The following AS3MT variants were observed in gnomAD, a reference collection of about 807,000 sequenced individuals.
The protein encoded by AS3MT is arsenite methyltransferase, also known as S-adenosyl-L-methionine:arsenic(III) methyltransferase.
In AS3MT, 47 loss-of-function variants were observed where a neutral mutation model predicts 45.3. The observed-to-expected ratio is 1.04, with a 90% CI of 0.82 to 1.32. AS3MT has a LOEUF of 1.32. Ranked by LOEUF, AS3MT falls within the 40% of genes most tolerant of loss-of-function variation. The pLI is 0.00. For synonymous variants in AS3MT, 141 were observed against 152.8 expected, an observed-to-expected ratio of 0.92 and a Z score of 0.57; for missense variants, 396 against 451.1, an observed-to-expected ratio of 0.88 and a Z score of 1.11.
chr10:102,884,069 C>A (rs1302304156), intron 9 of AS3MT, among the ~76,000 whole-genome samples: 1 of 149,810 alleles, frequency 6.7e-6, no homozygotes, highest in Non-Finnish European at 1.5e-5. Context: ...ACCTCCACCT[C>A]TCAGGTTCAA....
At chr10:102,894,452 A>T (rs1325505432) in intron 10 of AS3MT, among the ~76,000 whole-genome samples, 1 of 151,556 alleles carries the variant, frequency 6.6e-6, no homozygotes, top group Non-Finnish European at 1.5e-5. Flanking sequence ...AAAAATAAAA[A>T]AATAAAATAA....
chr10:102,883,592 T>C (rs1026469660), intron 9 of AS3MT, among the ~76,000 whole-genome samples: 2 of 151,822 alleles, frequency 1.3e-5, no homozygotes, highest in Non-Finnish European at 2.9e-5. Flanking sequence ...GTGTGCCTGT[T>C]ATCCCAGCTA....
Position 102,870,195 on chromosome 10 carries a change from G to T in AS3MT, c.154G>T (p.Glu52Ter). 2 of 1,614,184 alleles carry T rather than the reference G, an allele frequency of 1.2e-6. No homozygotes were observed. The highest frequency in any genetic ancestry group is 1.7e-6 in the Non-Finnish European group (2 of 1,180,024). The stretch of plus-strand genomic sequence containing the variant: ...CCGGGAAGCCTTGCAAAATGTACAC[G>T]AAGAAGTAGCCCTAAGGTAGAGTGC... ...HIREALQNVH[E>*]EVALRYYGCG... Residue 52 changes from glutamate to a stop codon, truncating the protein, a stop_gained, in exon 3 of 11, where the codon GAA becomes TAA. Transcript: ENST00000369880. LOFTEE classifies it high-confidence loss of function.
At chr10:102,870,480 G>T (rs900017482) in intron 3 of AS3MT, among the ~76,000 whole-genome samples, 1 of 152,074 alleles carries the variant, frequency 6.6e-6, no homozygotes, top group Non-Finnish European at 1.5e-5. Flanking sequence ...TGTAGTGTGC[G>T]ATCCGGGATG....
intron 6 of AS3MT, among the ~76,000 whole-genome samples, chr10:102,875,774 C>T (rs1459427316): frequency 1.3e-5 from 2 of 151,960 alleles, no homozygotes; most frequent in Non-Finnish European, 2.9e-5. Flanking sequence ...AGGCGTGTGC[C>T]ACCATGCCCA....
chr10:102,879,129 G>C (rs769489409), intron 9 of AS3MT, 138 bp downstream of exon 9: 1 of 964,158 alleles, frequency 1.0e-6, no homozygotes, highest in Non-Finnish European at 1.5e-6. Flanking sequence ...GTATGTGTGT[G>C]TTTCAAGTGG....
At position 102,874,539 on chromosome 10, in the gene AS3MT, A is replaced by C. The variant is rs1844751043; in HGVS notation, c.459-53A>C. On this transcript the variant is annotated intron_variant, in intron 5 of 10. Transcript: ENST00000369880. ...ACCTTTAGGGTCTGAAAGGATTTGC[A>C]GATCTCTGAGTGTTGTGAAGATTTG... The C allele has an allele frequency of 7.5e-6, 10 of 1,327,722 alleles. No individual in the cohort carries two copies. The South Asian group carries it at 1.0e-4, about 13-fold the overall frequency. 82.2% of individuals were successfully genotyped at this position (1,327,722 alleles called of 1,614,324 possible). A position where few individuals can be genotyped will look rare whatever the true frequency, so the allele number is the denominator to read the frequency against.
intron 9 of AS3MT, among the ~76,000 whole-genome samples, chr10:102,884,542 G>T (rs1211473899): frequency 6.6e-6 from 1 of 151,486 alleles, no homozygotes; most frequent in Non-Finnish European, 1.5e-5. Context: ...ACATTTTTGG[G>T]TTCAACTTTT....
At chr10:102,890,992 C>T (rs528480374) in intron 10 of AS3MT, among the ~76,000 whole-genome samples, 25 of 152,256 alleles carry the variant, frequency 1.6e-4, no homozygotes, top group African/African-American at 5.1e-4. Context: ...GGATTACAGG[C>T]GTGAGCCACT....
In AS3MT at chr10:102,885,790, A is replaced by G. The variant is rs1390673482; in HGVS notation, c.886-4754A>G. Among the ~76,000 whole-genome samples the G allele has an allele frequency of 1.2e-4, 9 of 75,618 alleles. 4 individuals are homozygous for G. In the East Asian group the frequency reaches 4.9e-3, roughly 41 times the overall value. 49.6% of individuals were successfully genotyped at this position (75,618 alleles called of 152,430 possible). A position where few individuals can be genotyped will look rare whatever the true frequency, so the allele number is the denominator to read the frequency against. On this transcript the variant is annotated intron_variant, in intron 9 of 10. Transcript: ENST00000369880. The stretch of plus-strand genomic sequence containing the variant: ...GTGATCCGCCCGCCTCGGCCTCCCA[A>G]AGTGCTGGGATTACAGGCGTGAGCC...
chr10:102,872,707 G>A (rs1036975342), intron 4 of AS3MT, 109 bp downstream of exon 4: 84 of 1,215,554 alleles, frequency 6.9e-5, no homozygotes, highest in Middle Eastern at 6.6e-4. Flanking sequence ...AAAGCTTCTA[G>A]TTAGCAATGC....
At chr10:102,872,148 G>C (rs1471317399) in intron 3 of AS3MT, among the ~76,000 whole-genome samples, 2 of 152,194 alleles carry the variant, frequency 1.3e-5, no homozygotes, top group East Asian at 1.9e-4. Context: ...ACCTCCCAAA[G>C]TGCTGTGATT....
At chr10:102,873,855 A>G (rs979337657) in intron 5 of AS3MT, among the ~76,000 whole-genome samples, 4 of 152,180 alleles carry the variant, frequency 2.6e-5, no homozygotes, top group Non-Finnish European at 4.4e-5. Flanking sequence ...TTCATGGTAA[A>G]TTATAGGATT....
At chr10:102,895,852 C>G (rs186080856) in intron 10 of AS3MT, among the ~76,000 whole-genome samples, 1 of 151,734 alleles carries the variant, frequency 6.6e-6, no homozygotes, top group East Asian at 2.0e-4. Context: ...CTTGGCTCAC[C>G]GCAACCTCCG....
Position 102,876,873 on chromosome 10 carries a change from G to A in AS3MT, c.529-81G>A. 7.4e-6 allele frequency: 10 copies of A among 1,344,078 alleles called. No homozygotes were observed. The South Asian group carries it at 8.6e-5, about 12-fold the overall frequency. 83.3% of individuals were successfully genotyped at this position (1,344,078 alleles called of 1,614,324 possible). ...GCTATTGATTTTTAAATTTGATTTT[G>A]TTCCCCTATTCCTTTCTTTGTTATG... On this transcript the variant is annotated intron_variant, in intron 6 of 10. Coordinates refer to ENST00000369880, the MANE Select transcript of AS3MT (RefSeq NM_020682.4).
intron 10 of AS3MT, among the ~76,000 whole-genome samples, chr10:102,900,251 C>T (rs1188656960): frequency 6.6e-6 from 1 of 152,176 alleles, no homozygotes; most frequent in South Asian, 2.1e-4. Flanking sequence ...GAAGAGAAGT[C>T]GTTTTAGCAT....
At chr10:102,882,100 C>T (rs889481099) in intron 9 of AS3MT, among the ~76,000 whole-genome samples, 8 of 152,004 alleles carry the variant, frequency 5.3e-5, no homozygotes, top group Non-Finnish European at 7.4e-5. Flanking sequence ...CCACCACACC[C>T]GGCTAATTTT....
rs112372288 is a variant in AS3MT, at chr10:102,895,198, C to CT, written c.1020+4534dup. On this transcript the variant is annotated intron_variant, in intron 10 of 10. Coordinates refer to ENST00000369880, the MANE Select transcript of AS3MT (RefSeq NM_020682.4). ...AAGCTTGTTCTCAACTATTTTAGTT[C>CT]TTTTTTTTTTTTTTCCATTGACAGA... 5.0e-3 allele frequency among the ~76,000 whole-genome samples: 718 copies of CT among 143,834 alleles called. 3 individuals are homozygous for CT. The highest frequency in any genetic ancestry group is 0.014 in the African/African-American group (572 of 39,468). The allele number at this position is 143,834 out of a possible 152,430, so 94.4% of individuals were successfully genotyped here.
Position 102,890,620 on chromosome 10 carries a change from T to A in AS3MT, c.962T>A (p.Ile321Asn), listed in dbSNP as rs1424241173. 6.2e-7 allele frequency: 1 copy of A among 1,613,308 alleles called. No homozygotes were observed. Among genetic ancestry groups the A allele is most frequent in the African/African-American group, 1.3e-5 (1 of 74,876 alleles). The change falls in exon 10 of 11, where the codon ATC (isoleucine) becomes AAC (asparagine). Residue 321 changes from isoleucine (I) to asparagine (N), a missense_variant. Physicochemically the swap from Ile to Asn is moderately radical, Grantham distance 149. Coordinates refer to ENST00000369880, the MANE Select transcript of AS3MT (RefSeq NM_020682.4). The stretch of plus-strand genomic sequence containing the variant: ...TCAAGATTTGCTCAAGATTTTCTGA[T>A]CAGACCAATTGGAGAGAAGTTGCCA... Reference protein sequence around the residue: ...KNSRFAQDFLIRPIGEKLPTS... With the variant: ...KNSRFAQDFLNRPIGEKLPTS...
Sources: allele counts gnomAD v4.1 joint callset (sites outside exome capture counted in the v4.1 genomes callset), GRCh38; gene constraint gnomAD v4.1.1; transcripts MANE v1.5; gene names NCBI Gene and HGNC (gene_info 2026-07-23, HGNC 2026-07-21).